NTN1: variants seen among roughly 807,000 people sequenced by gnomAD.
The protein encoded by NTN1 is netrin-1.
Under a neutral mutation model 54.2 loss-of-function variants are expected in NTN1, and 11 were observed. That is an observed-to-expected ratio of 0.20 (90% CI 0.13 to 0.34). The LOEUF (loss-of-function observed/expected upper bound fraction) is 0.34, where lower values mean the gene tolerates loss of function less well. Ranked by LOEUF, NTN1 falls within the 10% of genes least tolerant of loss-of-function variation. The pLI is 1.00. For synonymous variants in NTN1, 371 were observed against 382.0 expected, an observed-to-expected ratio of 0.97 and a Z score of 0.33; for missense variants, 740 against 893.1, an observed-to-expected ratio of 0.83 and a Z score of 2.18.
intron 6 of NTN1, among the ~76,000 whole-genome samples, chr17:9,229,826 T>C (rs1308991711): frequency 1.3e-5 from 2 of 152,080 alleles, no homozygotes; most frequent in Non-Finnish European, 2.9e-5. Context: ...GGAGACCTAG[T>C]TGGCAATGGA....
At position 9,132,999 on chromosome 17, in the gene NTN1, T is replaced by C. The variant is rs1208297306; in HGVS notation, c.1019-29814T>C. 3.3e-5 allele frequency among the ~76,000 whole-genome samples: 5 copies of C among 152,106 alleles called. No homozygotes were observed. The East Asian group carries it at 5.8e-4, about 18-fold the overall frequency. Reference sequence around the variant, plus strand: ...ATCTGAAATGCTGTTGGTTAAGCATTCTGGCCAAAACCTTCCACGGACTGT... The same window carrying C: ...ATCTGAAATGCTGTTGGTTAAGCATCCTGGCCAAAACCTTCCACGGACTGT... On this transcript the variant is annotated intron_variant, in intron 2 of 6. Transcript: ENST00000173229.
chr17:9,205,863 G>A (rs952075851), intron 5 of NTN1, among the ~76,000 whole-genome samples: 8 of 152,222 alleles, frequency 5.3e-5, no homozygotes, highest in Admixed American at 3.9e-4. Context: ...AATACCACCC[G>A]AACTGCCTCT....
At chr17:9,173,908 G>A (rs1341049485) in intron 3 of NTN1, 1 of 152,412 alleles carries the variant, frequency 6.6e-6, no homozygotes, top group Non-Finnish European at 1.5e-5. Flanking sequence ...ACTTTGGGAG[G>A]GATGCCTTCA....
In NTN1 at chr17:9,240,590, A is replaced by T. The variant is rs529084412; in HGVS notation, c.*622A>T. On this transcript the variant is annotated 3_prime_UTR_variant, in exon 7 of 7. Coordinates refer to ENST00000173229, the MANE Select transcript of NTN1 (RefSeq NM_004822.3). The stretch of plus-strand genomic sequence containing the variant: ...GCCTGGCAGCATTTGGGGAGTGGAC[A>T]GCTCCTGTCCAGCCAGCATGCCCCA... The T allele has an allele frequency of 8.5e-5, 13 of 152,514 alleles. No homozygotes were observed. The highest frequency in any genetic ancestry group is 2.9e-4 in the African/African-American group (12 of 41,562). The allele number at this position is 152,514 out of a possible 1,614,324, so 9.4% of individuals were successfully genotyped here.
chr17:9,047,810 T>C (rs1186629805), intron 2 of NTN1, among the ~76,000 whole-genome samples: 2 of 152,110 alleles, frequency 1.3e-5, no homozygotes, highest in Admixed American at 6.5e-5. Context: ...TTCTCCTGCC[T>C]GGGCCTCCCA....
chr17:9,226,800 G>A (rs931860549), intron 6 of NTN1, among the ~76,000 whole-genome samples: 28 of 152,190 alleles, frequency 1.8e-4, no homozygotes, highest in East Asian at 1.7e-3. Flanking sequence ...GTGTGTGTGC[G>A]TGCTCACCAC....
At chr17:9,057,755 G>A (rs1195948301) in intron 2 of NTN1, among the ~76,000 whole-genome samples, 2 of 152,278 alleles carry the variant, frequency 1.3e-5, no homozygotes, top group African/African-American at 2.4e-5. Context: ...ATGACACGTG[G>A]CTCCTTTAAG....
chr17:9,147,565 A>T (rs1271806145), intron 2 of NTN1, among the ~76,000 whole-genome samples: 1 of 152,186 alleles, frequency 6.6e-6, no homozygotes, highest in Non-Finnish European at 1.5e-5. Flanking sequence ...TAAGGATCTG[A>T]CATCCCAGAG....
At chr17:9,144,116 G>T (rs1284133630) in intron 2 of NTN1, among the ~76,000 whole-genome samples, 2 of 152,006 alleles carry the variant, frequency 1.3e-5, no homozygotes, top group Admixed American at 6.6e-5. Context: ...GGCTGATCTA[G>T]AACTCCTGAC....
chr17:9,204,193 C>CCT lies in NTN1; in HGVS notation c.1412-16975_1412-16974insCT, dbSNP rs1555576114. ...TAGTAACCGTTCCTTCCTTCCTTCCCTCCTTCCTTCCTTCCTTCCTTCCTT... is the reference window on the plus strand; with the variant it reads ...TAGTAACCGTTCCTTCCTTCCTTCCCCTTCCTTCCTTCCTTCCTTCCTTCCTT... On this transcript the variant is annotated intron_variant, in intron 5 of 6. Transcript: ENST00000173229. Among the ~76,000 whole-genome samples, 1,266 of 147,148 alleles carry CCT rather than the reference C, an allele frequency of 8.6e-3. 18 individuals are homozygous for CCT. Among genetic ancestry groups the CCT allele is most frequent in the African/African-American group, 0.024 (948 of 38,702 alleles).
At chr17:9,217,854 CAAAAA>C (rs11354107) in intron 5 of NTN1, among the ~76,000 whole-genome samples, 2 of 95,752 alleles carry the variant, frequency 2.1e-5, no homozygotes, top group African/African-American at 8.8e-5. Flanking sequence ...GGAAAGACAC[CAAAAA>C]AAAAAAAAAA....
intron 4 of NTN1, among the ~76,000 whole-genome samples, chr17:9,182,351 C>G (rs940717232): frequency 1.3e-5 from 2 of 152,246 alleles, no homozygotes; most frequent in Non-Finnish European, 2.9e-5. Flanking sequence ...TGGATCTGCA[C>G]TCTCAGTCCC....
At chr17:9,114,760 A>AG (rs1360300898) in intron 2 of NTN1, among the ~76,000 whole-genome samples, 2 of 152,248 alleles carry the variant, frequency 1.3e-5, no homozygotes, top group Non-Finnish European at 2.9e-5. Flanking sequence ...TCTCAAAAAA[A>AG]TAATAACCAT....
intron 3 of NTN1, among the ~76,000 whole-genome samples, chr17:9,172,457 C>T (rs915254991): frequency 5.3e-5 from 8 of 151,952 alleles, no homozygotes; most frequent in African/African-American, 7.2e-5. Context: ...CCAGCCTGGG[C>T]GACAGAGCGA....
At chr17:9,063,776 C>T (rs2092006322) in intron 2 of NTN1, among the ~76,000 whole-genome samples, 1 of 151,672 alleles carries the variant, frequency 6.6e-6, no homozygotes, top group African/African-American at 2.4e-5. Context: ...TCTCGATCTC[C>T]TGACCTCGTG....
intron 2 of NTN1, among the ~76,000 whole-genome samples, chr17:9,042,484 C>G (rs531631636): frequency 1.1e-3 from 104 of 98,936 alleles, no homozygotes; most frequent in African/African-American, 4.1e-3. Context: ...GAGACTCTGT[C>G]CCTTAAAAAA....
At chr17:9,011,542 T>C in the NTN1 span, among the ~76,000 whole-genome samples, 1 of 152,124 alleles carries the variant, frequency 6.6e-6, no homozygotes, top group Non-Finnish European at 1.5e-5. Flanking sequence ...TTTACACCCA[T>C]ATAAGGTAAC....
intron 2 of NTN1, among the ~76,000 whole-genome samples, chr17:9,051,835 T>C (rs540900045): frequency 6.6e-6 from 1 of 152,332 alleles, no homozygotes; most frequent in South Asian, 2.1e-4. Context: ...GACCAGTGTC[T>C]ATCCATCCCC....
At chr17:9,036,383 C>CTTT (rs869283987) in intron 2 of NTN1, among the ~76,000 whole-genome samples, 1 of 107,220 alleles carries the variant, frequency 9.3e-6, no homozygotes, top group African/African-American at 3.7e-5. Flanking sequence ...CGTCTCTTAT[C>CTTT]TTTTTTTTTT....
Sources: allele counts gnomAD v4.1 joint callset (sites outside exome capture counted in the v4.1 genomes callset), GRCh38; gene constraint gnomAD v4.1.1; transcripts MANE v1.5; gene names NCBI Gene and HGNC (gene_info 2026-07-23, HGNC 2026-07-21).